Variants in CTCF observed in about 807,000 individuals in gnomAD.
The protein encoded by CTCF is transcriptional repressor CTCF.
Under a neutral mutation model 72.3 loss-of-function variants are expected in CTCF, and 7 were observed. The ratio of observed to expected loss-of-function variants is 0.10; its 90% confidence interval spans 0.06 to 0.18. The LOEUF is 0.18. Ranked by LOEUF, CTCF falls within the 10% of genes least tolerant of loss-of-function variation. CTCF has a pLI of 1.00. For synonymous variants in CTCF, 374 were observed against 315.8 expected, an observed-to-expected ratio of 1.18 and a Z score of -1.95; for missense variants, 516 against 949.1, an observed-to-expected ratio of 0.54 and a Z score of 6.00.
intron 2 of CTCF, among the ~76,000 whole-genome samples, chr16:67,603,111 G>A (rs1183101596): frequency 6.6e-6 from 1 of 152,034 alleles, no homozygotes; most frequent in Non-Finnish European, 1.5e-5. Flanking sequence ...GTAAGATATA[G>A]CTGGGCACGA....
chr16:67,581,952 A>G (rs1597687307), intron 2 of CTCF, among the ~76,000 whole-genome samples: 1 of 152,016 alleles, frequency 6.6e-6, no homozygotes, highest in African/African-American at 2.4e-5. Context: ...GGCCGGGTGC[A>G]GTGGCTCATG....
In CTCF at chr16:67,611,243, T is replaced by C; in HGVS notation, c.411T>C (p.Ala137=). ...CTTCAGTAGAAGAACTTCAGGGGGC[T>C]TATGAAAATGAAGTGTCTAAAGAGG... is the stretch of plus-strand genomic sequence containing the variant. The part of the protein sequence containing the change: ...ATTSVEELQG[A]YENEVSKEGL... Residue 137 remains alanine, a synonymous_variant, in exon 3 of 12, where the codon GCT becomes GCC. Transcript: ENST00000264010. The C allele has an allele frequency of 6.2e-7, 1 of 1,614,156 alleles. No homozygotes were observed. Among genetic ancestry groups the C allele is most frequent in the Non-Finnish European group, 8.5e-7 (1 of 1,180,024 alleles).
chr16:67,613,542 T>TG (rs1011410622), intron 4 of CTCF, among the ~76,000 whole-genome samples: 33 of 152,098 alleles, frequency 2.2e-4, no homozygotes, highest in South Asian at 4.1e-4. Flanking sequence ...GGAAATCCAA[T>TG]GGGGGGTAGA....
intron 2 of CTCF, among the ~76,000 whole-genome samples, chr16:67,606,419 C>G (rs909069540): frequency 6.6e-6 from 1 of 152,186 alleles, no homozygotes; most frequent in African/African-American, 2.4e-5. Flanking sequence ...CACCTTGAAC[C>G]ATTGTGCTAC....
At chr16:67,583,372 G>A (rs969793200) in intron 2 of CTCF, among the ~76,000 whole-genome samples, 2 of 152,082 alleles carry the variant, frequency 1.3e-5, no homozygotes, top group Non-Finnish European at 2.9e-5. Flanking sequence ...GTCCTAGGTT[G>A]CTGAGGGTTT....
At chr16:67,635,552 G>A (rs117447021) in intron 10 of CTCF, 4,688 of 151,374 alleles carry the variant, frequency 0.031, 88 homozygotes, top group Middle Eastern at 0.14. Flanking sequence ...GTGCAGTGGC[G>A]GATCTCAGCT....
intron 1 of CTCF, among the ~76,000 whole-genome samples, chr16:67,570,061 C>G (rs991358424): frequency 6.6e-6 from 1 of 151,426 alleles, no homozygotes; most frequent in Non-Finnish European, 1.5e-5. Flanking sequence ...GCCATTACTG[C>G]AGCCATAAGA....
At chr16:67,586,975 T>C (rs2051676777) in intron 2 of CTCF, among the ~76,000 whole-genome samples, 1 of 152,118 alleles carries the variant, frequency 6.6e-6, no homozygotes, top group South Asian at 2.1e-4. Flanking sequence ...TGTATCTTTT[T>C]GTAAAGACAA....
At chr16:67,625,536 A>G (rs968693110) in intron 7 of CTCF, among the ~76,000 whole-genome samples, 4 of 152,108 alleles carry the variant, frequency 2.6e-5, no homozygotes, top group African/African-American at 9.7e-5. Flanking sequence ...CATTCTTTTT[A>G]TTTTAATTCT....
chr16:67,637,200 T>TG (rs767482526), intron 11 of CTCF, among the ~76,000 whole-genome samples: 17 of 152,234 alleles, frequency 1.1e-4, no homozygotes, highest in Non-Finnish European at 1.8e-4. Context: ...TCGTAAAGGT[T>TG]GGAGAGGGAA....
chr16:67,636,717 A>G lies in CTCF; in HGVS notation c.1865A>G (p.Asn622Ser). Residue 622 changes from asparagine (N) to serine (S), a missense_variant, in exon 11 of 12, where the codon AAT becomes AGT. By Grantham distance (46) the Asn-to-Ser change is conservative (BLOSUM62 1). Around this residue, in one of 7 missense-constraint regions of CTCF, gnomAD observed 157 missense variants for 172.9 expected, o/e 0.91. Coordinates refer to ENST00000264010, the MANE Select transcript of CTCF (RefSeq NM_006565.4). The part of the protein sequence containing the change: ...SENAEPDLDD[N>S]EDEEEPAVEI... ...AATGCTGAACCAGATCTGGACGACA[A>G]TGAGGATGAGGAGGAGCCTGCCGTA... 1.9e-6 allele frequency: 3 copies of G among 1,608,350 alleles called. No individual in the cohort carries two copies. The highest frequency in any genetic ancestry group is 1.3e-5 in the African/African-American group (1 of 74,774).
At chr16:67,616,972 G>C in intron 5 of CTCF, 94 bp downstream of exon 5, 2 of 1,305,238 alleles carry the variant, frequency 1.5e-6, no homozygotes, top group Non-Finnish European at 2.2e-6. Context: ...GACTTAAGAT[G>C]AGGTAGAAAA....
chr16:67,589,135 A>G (rs1273773260), intron 2 of CTCF, among the ~76,000 whole-genome samples: 4 of 152,090 alleles, frequency 2.6e-5, no homozygotes, highest in African/African-American at 7.2e-5. Context: ...CTACAAAATA[A>G]TAATAATAAA....
intron 2 of CTCF, among the ~76,000 whole-genome samples, chr16:67,601,857 A>C (rs2051896285): frequency 6.9e-6 from 1 of 145,898 alleles, no homozygotes; most frequent in East Asian, 2.1e-4. Flanking sequence ...TCGGTTGTTT[A>C]CAAGCAATTT....
At chr16:67,616,956 C>G (rs911026010) in intron 5 of CTCF, 78 bp downstream of exon 5, 1 of 1,436,674 alleles carries the variant, frequency 7.0e-7, no homozygotes, top group Non-Finnish European at 9.7e-7. Flanking sequence ...AACTACTACC[C>G]AAACGGACTT....
intron 2 of CTCF, among the ~76,000 whole-genome samples, chr16:67,601,222 G>C (rs2051882488): frequency 8.7e-6 from 1 of 115,062 alleles, no homozygotes; most frequent in Non-Finnish European, 1.6e-5. Flanking sequence ...TAAGGGGTGT[G>C]TGTGTGTGTG....
rs750885577 is a variant in CTCF, at chr16:67,628,432, C to G, written c.1581C>G (p.His527Gln). Residue 527 changes from histidine (H) to glutamine (Q), a missense_variant, in exon 9 of 12, where the codon CAC becomes CAG. Physicochemically the swap from His to Gln is conservative, Grantham distance 24. Coordinates refer to ENST00000264010, the MANE Select transcript of CTCF (RefSeq NM_006565.4). ...HTGEKPYACSHCDKTFRQKQL... is the reference protein window; with the variant it reads ...HTGEKPYACSQCDKTFRQKQL... The stretch of plus-strand genomic sequence containing the variant: ...GGGAGAAGCCTTACGCCTGCAGCCA[C>G]TGCGATAAGACCTTCCGCCAGAAGC... 1 of 1,614,092 alleles carries G rather than the reference C, an allele frequency of 6.2e-7. No individual in the cohort carries two copies. The highest frequency in any genetic ancestry group is 8.5e-7 in the Non-Finnish European group (1 of 1,180,052).
intron 7 of CTCF, 25 bp from the exon 8 acceptor site, chr16:67,626,530 C>T (rs1487522479): frequency 3.6e-6 from 5 of 1,407,708 alleles, no homozygotes; most frequent in Non-Finnish European, 3.7e-6. Context: ...TTCACATTAC[C>T]CTGGGCTTTT....
At chr16:67,577,698 C>T (rs139388147) in intron 2 of CTCF, among the ~76,000 whole-genome samples, 10,589 of 151,996 alleles carry the variant, frequency 0.07, 514 homozygotes, top group Non-Finnish European at 0.11. Flanking sequence ...CCGTCCACCT[C>T]GGCCTCCCAA....
Sources: gnomAD v4.1 joint callset for allele counts (sites outside exome capture counted in the v4.1 genomes callset) on GRCh38, gnomAD v4.1.1 for gene constraint, gnomAD v4.1.1 regional missense constraint, MANE v1.5 for transcripts, NCBI Gene and HGNC (gene_info 2026-07-23, HGNC 2026-07-21) for gene names.